The following ETS2 variants were observed in gnomAD, a reference collection of about 807,000 sequenced individuals.
ETS2 encodes the protein ETS proto-oncogene 2, transcription factor.
A neutral mutation model predicts 54.9 loss-of-function variants in ETS2; 19 were observed. The ratio of observed to expected loss-of-function variants is 0.35; its 90% confidence interval spans 0.24 to 0.51. The LOEUF (loss-of-function observed/expected upper bound fraction) is 0.51. ETS2 is among the 20% of genes least tolerant of loss of function. ETS2 has a pLI of 0.97. For synonymous variants in ETS2, 219 were observed against 229.3 expected (o/e 0.95, Z 0.41); for missense variants, 417 against 593.0 (o/e 0.70, Z 3.08).
At chr21:38,817,345 T>C (rs1004850925) in intron 6 of ETS2, among the ~76,000 whole-genome samples, 5 of 152,262 alleles carry the variant, frequency 3.3e-5, no homozygotes, top group Non-Finnish European at 7.3e-5. Flanking sequence ...TCCCTGATAA[T>C]TTTTAATGTA....
At chr21:38,820,348 T>C (rs1033393873) in intron 8 of ETS2, among the ~76,000 whole-genome samples, 4 of 152,182 alleles carry the variant, frequency 2.6e-5, no homozygotes, top group African/African-American at 9.7e-5. Context: ...TTTAACCATA[T>C]GGAGCCACTG....
intron 5 of ETS2, 131 bp downstream of exon 5, chr21:38,815,112 A>G (rs2060928024): frequency 1.3e-6 from 1 of 785,344 alleles, no homozygotes; most frequent in Admixed American, 2.3e-5. Flanking sequence ...CCTTGCCTCA[A>G]AATGCCACTC....
chr21:38,805,944 A>G lies in ETS2; in HGVS notation c.-177A>G. ...GGGACGGCCCGGTTACTTCCTCCAG[A>G]GACTGACGAGTGCGGTGTCGCTCCA... On this transcript the variant is annotated 5_prime_UTR_variant, in exon 1 of 10. Transcript: ENST00000360938. The surrounding 1 kb of genome is among the most constrained non-coding windows in gnomAD (Gnocchi z 5.2). The G allele has an allele frequency of 7.9e-7, 1 of 1,267,796 alleles. No homozygotes were observed. The highest frequency in any genetic ancestry group is 1.0e-6 in the Non-Finnish European group (1 of 980,754). The allele number at this position is 1,267,796 out of a possible 1,614,324, so 78.5% of individuals were successfully genotyped here.
rs367566882 is a variant in ETS2, at chr21:38,812,997, T to G, written c.73-6T>G. On this transcript the variant is annotated splice_region_variant and splice_polypyrimidine_tract_variant and intron_variant, in intron 2 of 9. Transcript: ENST00000360938. ...ATTTCCATTTTTTTTCCATCTGTTT[T>G]TGCAGCGCCAGCCAGCCTTTGACAC... The G allele has an allele frequency of 2.2e-5, 35 of 1,603,306 alleles. No individual in the cohort carries two copies. Among genetic ancestry groups the G allele is most frequent in the East Asian group, 8.9e-5 (4 of 44,832 alleles).
intron 7 of ETS2, among the ~76,000 whole-genome samples, chr21:38,819,169 C>A (rs2123422238): frequency 6.6e-6 from 1 of 152,306 alleles, no homozygotes. Flanking sequence ...TAGATGGAAT[C>A]ATAAGGCATG....
intron 3 of ETS2, 140 bp downstream of exon 3, chr21:38,813,254 G>A: frequency 1.5e-6 from 1 of 660,336 alleles, no homozygotes; most frequent in Non-Finnish European, 2.7e-6. Flanking sequence ...GGACCTGGGA[G>A]AAGGCAGTTT....
intron 5 of ETS2, 94 bp downstream of exon 5, chr21:38,815,075 G>A: frequency 1.6e-6 from 2 of 1,257,820 alleles, no homozygotes; most frequent in Non-Finnish European, 1.1e-6. Flanking sequence ...TCAACCTTAG[G>A]GTTGCCACTT....
chr21:38,822,921 G>T lies in ETS2; in HGVS notation c.*32G>T. ...CGGGACCACCCTGAGCCGGCCCCAG[G>T]CTCGTGGACTGAGTGGGAAGCCCAT... On this transcript the variant is annotated 3_prime_UTR_variant, in exon 10 of 10. Coordinates refer to ENST00000360938, the MANE Select transcript of ETS2 (RefSeq NM_005239.6). 6.7e-7 allele frequency: 1 copy of T among 1,492,796 alleles called. No homozygotes were observed. The highest frequency in any genetic ancestry group is 9.0e-7 in the Non-Finnish European group (1 of 1,115,908). 92.5% of individuals were successfully genotyped at this position (1,492,796 alleles called of 1,614,324 possible).
At position 38,814,995 on chromosome 21, in the gene ETS2, G is replaced by A. The variant is rs566441628; in HGVS notation, c.505+14G>A. 23 of 1,612,178 alleles carry A rather than the reference G, an allele frequency of 1.4e-5. No homozygotes were observed. The highest frequency in any genetic ancestry group is 8.9e-5 in the East Asian group (4 of 44,862). ...AAATGATCAAAGGTACCAGCTGAACGTCTTACTTCTCCTTGTCCAGGATGA... is the reference window on the plus strand; with the variant it reads ...AAATGATCAAAGGTACCAGCTGAACATCTTACTTCTCCTTGTCCAGGATGA... On this transcript the variant is annotated intron_variant, in intron 5 of 9. Transcript: ENST00000360938. The surrounding 1 kb of genome is among the most constrained non-coding windows in gnomAD (Gnocchi z 4.2).
Position 38,824,477 on chromosome 21 carries a change from C to A in ETS2, c.*1588C>A. On this transcript the variant is annotated 3_prime_UTR_variant, in exon 10 of 10. Coordinates refer to ENST00000360938, the MANE Select transcript of ETS2 (RefSeq NM_005239.6). ...TGGTTTCAAAGTCCGACAGGCTTGT[C>A]TGTTTACTAGCTGCGTGGCCTTGGA... The A allele has an allele frequency of 6.5e-6, 1 of 152,842 alleles. No homozygotes were observed. Among genetic ancestry groups the A allele is most frequent in the Non-Finnish European group, 1.5e-5 (1 of 68,356 alleles). The allele number at this position is 152,842 out of a possible 1,614,324, so 9.5% of individuals were successfully genotyped here. A position where few individuals can be genotyped will look rare whatever the true frequency, so the allele number is the denominator to read the frequency against.
In ETS2 at chr21:38,818,449, A is replaced by G. The variant is rs763874169; in HGVS notation, c.614A>G (p.Tyr205Cys). Residue 205 changes from tyrosine (Y) to cysteine (C), a missense_variant, in exon 7 of 10, where the codon TAT becomes TGT. By Grantham distance (194) the Tyr-to-Cys change is radical (BLOSUM62 -2). This residue lies in a region of ETS2 where 326 missense variants were observed against 426.1 expected (regional missense o/e 0.76). Coordinates refer to ENST00000360938, the MANE Select transcript of ETS2 (RefSeq NM_005239.6). The stretch of plus-strand genomic sequence containing the variant: ...GGTTTTGGCACAGAGCAGGCGCCCT[A>G]TGGAATGCAGACACAGAATTACCCC... ...TLGFGTEQAP[Y>C]GMQTQNYPKG... 2.2e-5 allele frequency: 35 copies of G among 1,613,996 alleles called. No homozygotes were observed. The highest frequency in any genetic ancestry group is 2.0e-4 in the South Asian group (18 of 91,084).
At position 38,819,715 on chromosome 21, in the gene ETS2, G is replaced by A. The variant is rs756993602; in HGVS notation, c.1024G>A (p.Val342Met). 1.4e-5 allele frequency: 22 copies of A among 1,613,850 alleles called. No individual in the cohort carries two copies. The highest frequency in any genetic ancestry group is 1.8e-5 in the Non-Finnish European group (21 of 1,179,934). ...KDYIQERSDP[V>M]EQGKPVIPAA... ...TTACATCCAAGAGAGGAGTGACCCA[G>A]TGGAGCAAGGCAAACCAGTTATACC... Residue 342 changes from valine (V) to methionine (M), a missense_variant, in exon 8 of 10, where the codon GTG becomes ATG. By Grantham distance (21) the Val-to-Met change is conservative (BLOSUM62 1). Around this residue, in one of 3 missense-constraint regions of ETS2, gnomAD observed 326 missense variants for 426.1 expected, o/e 0.76. Transcript: ENST00000360938.
Position 38,814,721 on chromosome 21 carries a change from T to A in ETS2, c.305-60T>A. The A allele has an allele frequency of 1.4e-6, 2 of 1,439,732 alleles. No homozygotes were observed. Among genetic ancestry groups the A allele is most frequent in the South Asian group, 2.3e-5 (2 of 85,936 alleles). The allele number at this position is 1,439,732 out of a possible 1,614,324, so 89.2% of individuals were successfully genotyped here. The stretch of plus-strand genomic sequence containing the variant: ...GTGCATAAATTAGGGATGACAGTGG[T>A]CTCACTACCTTTCCACTGTTTTTAC... On this transcript the variant is annotated intron_variant, in intron 4 of 9. Coordinates refer to ENST00000360938, the MANE Select transcript of ETS2 (RefSeq NM_005239.6). The surrounding 1 kb of genome is among the most constrained non-coding windows in gnomAD (Gnocchi z 4.2).
In ETS2 at chr21:38,814,222, T is replaced by G; in HGVS notation, c.185-51T>G. The G allele has an allele frequency of 1.9e-6, 3 of 1,586,234 alleles. No homozygotes were observed. Among genetic ancestry groups the G allele is most frequent in the Non-Finnish European group, 1.7e-6 (2 of 1,160,874 alleles). ...AAGATGTCTCTCCTAAATCTCCACC[T>G]GATATCACCAACTTGAAGTCCTAAT... On this transcript the variant is annotated intron_variant, in intron 3 of 9. Transcript: ENST00000360938. The surrounding 1 kb of genome is among the most constrained non-coding windows in gnomAD (Gnocchi z 4.2).
At chr21:38,809,928 AC>A in intron 1 of ETS2, 106 bp from the exon 2 acceptor site, 2 of 667,442 alleles carry the variant, frequency 3.0e-6, no homozygotes, top group South Asian at 4.0e-5. Context: ...CTTTTGAATT[AC>A]CTGTTAGCTG....
chr21:38,814,465 G>A lies in ETS2; in HGVS notation c.304+73G>A. The A allele has an allele frequency of 6.4e-7, 1 of 1,571,900 alleles. No homozygotes were observed. The highest frequency in any genetic ancestry group is 8.7e-7 in the Non-Finnish European group (1 of 1,152,410). ...CAGTGCAGTTGTTTGATCTTGACTT[G>A]TTTATTAAGCTTTTGCTTGGGGTAT... On this transcript the variant is annotated intron_variant, in intron 4 of 9. Coordinates refer to ENST00000360938, the MANE Select transcript of ETS2 (RefSeq NM_005239.6). The surrounding 1 kb of genome is among the most constrained non-coding windows in gnomAD (Gnocchi z 4.2).
chr21:38,820,521 T>C (rs2060953777), intron 8 of ETS2, among the ~76,000 whole-genome samples: 2 of 151,194 alleles, frequency 1.3e-5, no homozygotes, highest in Admixed American at 1.3e-4. Context: ...ATTGGGAGTT[T>C]AGGGCCTGAG....
rs1001125602 is a variant in ETS2 at position 38,813,046 on chromosome 21, T to A, written c.116T>A (p.Val39Asp). The part of the protein sequence containing the change: ...FDTFDGSLFA[V>D]FPSLNEEQTL... ...ACCTTTGATGGGTCCCTGTTTGCTG[T>A]TTTTCCTTCTCTAAATGAAGAGCAA... The change falls in exon 3 of 10, where the codon GTT (valine) becomes GAT (aspartate). Residue 39 changes from valine (V) to aspartate (D), a missense_variant. Physicochemically the swap from Val to Asp is radical, Grantham distance 152. Around this residue, in one of 3 missense-constraint regions of ETS2, gnomAD observed 326 missense variants for 426.1 expected, o/e 0.76. Coordinates refer to ENST00000360938, the MANE Select transcript of ETS2 (RefSeq NM_005239.6). 12 of 1,613,920 alleles carry A rather than the reference T, an allele frequency of 7.4e-6. No homozygotes were observed. In the African/African-American group the frequency reaches 1.3e-4, roughly 18 times the overall value.
intron 7 of ETS2, 130 bp downstream of exon 7, chr21:38,818,776 G>A (rs1272706551): frequency 9.2e-7 from 1 of 1,088,306 alleles, no homozygotes; most frequent in African/African-American, 1.5e-5. Context: ...CATGTTCTAA[G>A]TGGATTTCCA....
Sources: gnomAD v4.1 joint callset for allele counts (sites outside exome capture counted in the v4.1 genomes callset) on GRCh38, gnomAD v4.1.1 for gene constraint, gnomAD v4.1.1 regional missense constraint, Gnocchi (gnomAD v3.1) non-coding constraint, MANE v1.5 for transcripts, NCBI Gene and HGNC (gene_info 2026-07-23, HGNC 2026-07-21) for gene names.